The following SLC9A9 variants were observed in gnomAD, a reference collection of about 807,000 sequenced individuals.
The protein encoded by SLC9A9 is solute carrier family 9 member A9, also known as sodium/hydrogen exchanger 9.
In SLC9A9, 62 loss-of-function variants were observed where a neutral mutation model predicts 77.8. The observed-to-expected ratio is 0.80, with a 90% CI of 0.65 to 0.98. The LOEUF (loss-of-function observed/expected upper bound fraction) is 0.98, where lower values mean the gene tolerates loss of function less well. Ranked by LOEUF, SLC9A9 falls within the 50% of genes least tolerant of loss-of-function variation. SLC9A9 has a pLI of 0.00. For missense variants in SLC9A9, 775 were observed against 774.9 expected (o/e 1.00, Z 0.00); for synonymous variants, 320 against 283.5 (o/e 1.13, Z -1.29).
At chr3:143,802,880 A>ACGCACT (rs1377008347) in intron 2 of SLC9A9, among the ~76,000 whole-genome samples, 17 of 152,038 alleles carry the variant, frequency 1.1e-4, no homozygotes, top group African/African-American at 4.1e-4. Flanking sequence ...TTTTATACGG[A>ACGCACT]CGCACTTTCT....
rs373416951 is a variant in SLC9A9 at position 143,544,473 on chromosome 3, C to T, written c.1089+7889G>A. 6.6e-5 allele frequency among the ~76,000 whole-genome samples: 10 copies of T among 152,176 alleles called. No homozygotes were observed. The East Asian group carries it at 1.4e-3, about 21-fold the overall frequency. Reference sequence around the variant, plus strand: ...CGATCTCCTGACCTCGTGATCCGCCCGCCTCGGCCTTCCAAAGTGCCCTTT... The same window carrying T: ...CGATCTCCTGACCTCGTGATCCGCCTGCCTCGGCCTTCCAAAGTGCCCTTT... On this transcript the variant is annotated intron_variant, in intron 9 of 15. Transcript: ENST00000316549.
chr3:143,332,587 A>G (rs1400061684), intron 14 of SLC9A9, among the ~76,000 whole-genome samples: 1 of 152,246 alleles, frequency 6.6e-6, no homozygotes, highest in Non-Finnish European at 1.5e-5. Flanking sequence ...GCTTGTTACA[A>G]ATGTCAATAC....
chr3:143,382,146 C>T, intron 12 of SLC9A9, 32 bp from the exon 13 acceptor site: 1 of 1,612,936 alleles, frequency 6.2e-7, no homozygotes, highest in Non-Finnish European at 8.5e-7. Flanking sequence ...TGGTCAATCC[C>T]CTGCTGCAGA....
intron 3 of SLC9A9, among the ~76,000 whole-genome samples, chr3:143,795,287 A>AG (rs2008350378): frequency 6.8e-6 from 1 of 146,908 alleles, no homozygotes; most frequent in Admixed American, 7.0e-5. Flanking sequence ...AGCAGAAAAA[A>AG]AAAAAAAAAA....
At chr3:143,770,525 G>T (rs538448593) in intron 4 of SLC9A9, among the ~76,000 whole-genome samples, 3 of 152,226 alleles carry the variant, frequency 2.0e-5, no homozygotes, top group East Asian at 1.9e-4. Context: ...GGAGGGTAAG[G>T]TTAGAGCCTT....
At chr3:143,380,806 T>C (rs1391404296) in intron 13 of SLC9A9, among the ~76,000 whole-genome samples, 1 of 152,234 alleles carries the variant, frequency 6.6e-6, no homozygotes, top group Non-Finnish European at 1.5e-5. Flanking sequence ...CAGGCTCCTT[T>C]CTTTTTCACA....
At chr3:143,417,294 T>A (rs2034212976) in intron 12 of SLC9A9, among the ~76,000 whole-genome samples, 1 of 152,076 alleles carries the variant, frequency 6.6e-6, no homozygotes, top group South Asian at 2.1e-4. Flanking sequence ...GCCCCTACTA[T>A]GGACTGAAAT....
At chr3:143,627,925 T>C (rs1463991064) in intron 6 of SLC9A9, among the ~76,000 whole-genome samples, 1 of 152,260 alleles carries the variant, frequency 6.6e-6, no homozygotes, top group African/African-American at 2.4e-5. Flanking sequence ...TGAATGAGCT[T>C]GGGTGGAGGT....
intron 14 of SLC9A9, among the ~76,000 whole-genome samples, chr3:143,290,598 A>T (rs1208656008): frequency 1.3e-5 from 2 of 152,214 alleles, no homozygotes; most frequent in Non-Finnish European, 2.9e-5. Context: ...AGGATACATC[A>T]GATTGCCTTG....
chr3:143,789,309 C>T (rs1212312220), intron 4 of SLC9A9, among the ~76,000 whole-genome samples: 1 of 152,134 alleles, frequency 6.6e-6, no homozygotes, highest in Non-Finnish European at 1.5e-5. Context: ...TTCTCTTTGC[C>T]CAGGCTCTTG....
At chr3:143,324,801 G>A (rs561608128) in intron 14 of SLC9A9, among the ~76,000 whole-genome samples, 3 of 152,254 alleles carry the variant, frequency 2.0e-5, no homozygotes, top group South Asian at 2.1e-4. Context: ...CAGCCTGGGC[G>A]ATAGAGGAAA....
At chr3:143,743,205 AGATGGATGGATG>A (rs34152223) in intron 4 of SLC9A9, among the ~76,000 whole-genome samples, 4 of 140,080 alleles carry the variant, frequency 2.9e-5, no homozygotes, top group African/African-American at 8.1e-5. Context: ...ATAGATGGAT[AGATGGATGGATG>A]GATGGATGGA....
chr3:143,728,551 C>T (rs1458991624), intron 4 of SLC9A9, among the ~76,000 whole-genome samples: 1 of 151,964 alleles, frequency 6.6e-6, no homozygotes, highest in East Asian at 1.9e-4. Flanking sequence ...TGGATTTTTT[C>T]TGAAATGCAA....
In SLC9A9 at chr3:143,652,257, T is replaced by G; in HGVS notation, c.753A>C (p.Thr251=). 1.9e-6 allele frequency: 3 copies of G among 1,609,384 alleles called. No individual in the cohort carries two copies. The highest frequency in any genetic ancestry group is 2.6e-6 in the Non-Finnish European group (3 of 1,176,448). ...ATAGGCCAAGTTCTGGTACTTACTA[T>G]GTAAGGACTATGGCCACTGCATCAT... is the stretch of plus-strand genomic sequence containing the variant. ...VLNDAVAIVL[T]YSISIYSPKE... is the part of the protein sequence containing the mutation. Residue 251 remains threonine (T), a splice_region_variant and synonymous_variant, in exon 6 of 16, where the codon ACA becomes ACC. Transcript: ENST00000316549.
chr3:143,341,209 T>G (rs185880219), intron 14 of SLC9A9, among the ~76,000 whole-genome samples: 1 of 152,284 alleles, frequency 6.6e-6, no homozygotes, highest in Admixed American at 6.5e-5. Context: ...TCACTGTTCA[T>G]GTGCTGTTTT....
intron 14 of SLC9A9, among the ~76,000 whole-genome samples, chr3:143,327,005 T>A (rs1318363451): frequency 6.6e-6 from 1 of 152,212 alleles, no homozygotes; most frequent in East Asian, 1.9e-4. Flanking sequence ...ATGGAGTATA[T>A]ACACTCAAAG....
At chr3:143,739,042 T>C (rs1212340073) in intron 4 of SLC9A9, among the ~76,000 whole-genome samples, 7 of 152,106 alleles carry the variant, frequency 4.6e-5, no homozygotes, top group Non-Finnish European at 7.4e-5. Flanking sequence ...ATGAACTCAA[T>C]CTCCAGCCTG....
In SLC9A9 at chr3:143,298,938, G is replaced by A. The variant is rs1578272949; in HGVS notation, c.1605-29958C>T. 7.2e-5 allele frequency among the ~76,000 whole-genome samples: 11 copies of A among 152,164 alleles called. No homozygotes were observed. In the South Asian group the frequency reaches 2.1e-3, roughly 29 times the overall value. The stretch of plus-strand genomic sequence containing the variant: ...CCATTGAGTTTGTGATCTTATTCAA[G>A]TCATTTCATCTTCCTGGGTCTTAGT... On this transcript the variant is annotated intron_variant, in intron 14 of 15. Transcript: ENST00000316549.
At chr3:143,621,715 C>T (rs1196125021) in intron 6 of SLC9A9, among the ~76,000 whole-genome samples, 4 of 152,180 alleles carry the variant, frequency 2.6e-5, no homozygotes, top group African/African-American at 7.2e-5. Context: ...TGCCTCTCCT[C>T]CTCCAAAGGA....
Sources: gnomAD v4.1 joint callset for allele counts (sites outside exome capture counted in the v4.1 genomes callset) on GRCh38, gnomAD v4.1.1 for gene constraint, MANE v1.5 for transcripts, NCBI Gene and HGNC (gene_info 2026-07-23, HGNC 2026-07-21) for gene names.